The following TLE1 variants were observed in gnomAD, a reference collection of about 807,000 sequenced individuals.
TLE1 encodes the protein TLE family member 1, transcriptional corepressor.
Under a neutral mutation model 89.8 loss-of-function variants are expected in TLE1, and 21 were observed. That is an observed-to-expected ratio of 0.23 (90% CI 0.17 to 0.34). TLE1 has a LOEUF of 0.34. TLE1 is among the 10% of genes least tolerant of loss of function. TLE1 has a pLI of 1.00. For missense variants in TLE1, 795 were observed against 1,031.2 expected (o/e 0.77, Z 3.14); for synonymous variants, 447 against 407.6 (o/e 1.10, Z -1.16).
intron 16 of TLE1, 22 bp from the exon 17 acceptor site, chr9:81,587,850 A>G: frequency 6.3e-7 from 1 of 1,596,032 alleles, no homozygotes; most frequent in Non-Finnish European, 8.5e-7. Context: ...AACCAGATTG[A>G]ATAATGATTT....
intron 11 of TLE1, among the ~76,000 whole-genome samples, chr9:81,614,524 G>A (rs941056588): frequency 6.6e-5 from 10 of 152,108 alleles, no homozygotes; most frequent in Non-Finnish European, 1.3e-4. Context: ...CCACTACAGC[G>A]TGGCAAAGAG....
chr9:81,670,241 A>G (rs1270210504), intron 4 of TLE1, among the ~76,000 whole-genome samples: 1 of 152,218 alleles, frequency 6.6e-6, no homozygotes, highest in Non-Finnish European at 1.5e-5. Flanking sequence ...TGCGACAAAC[A>G]GTAGAATCTG....
intron 16 of TLE1, among the ~76,000 whole-genome samples, chr9:81,588,733 T>C (rs190866046): frequency 2.3e-3 from 352 of 152,012 alleles, no homozygotes; most frequent in African/African-American, 8.1e-3. Flanking sequence ...GAGAGGAAGG[T>C]GGTGGGGGAG....
chr9:81,647,114 G>A (rs1828950869), intron 6 of TLE1, among the ~76,000 whole-genome samples: 1 of 152,034 alleles, frequency 6.6e-6, no homozygotes, highest in South Asian at 2.1e-4. Flanking sequence ...GCATTACTAT[G>A]GGTAACTGCT....
chr9:81,616,696 T>C lies in TLE1; in HGVS notation c.715A>G (p.Ser239Gly). ...TTGTCATCGCTTTTGTCACCATCACTGTCCTGGAAAAAAGAAACATTAACG... is the reference window on the plus strand; with the variant it reads ...TTGTCATCGCTTTTGTCACCATCACCGTCCTGGAAAAAAGAAACATTAACG... ...VDDKDSSHYD[S>G]DGDKSDDNLV... Residue 239 changes from serine to glycine, a missense_variant, in exon 10 of 20, where the codon AGT becomes GGT. This residue lies in a region of TLE1 where 468 missense variants were observed against 509.1 expected (regional missense o/e 0.92). Coordinates refer to ENST00000376499, the MANE Select transcript of TLE1 (RefSeq NM_005077.5). The C allele has an allele frequency of 1.2e-6, 2 of 1,614,088 alleles. No individual in the cohort carries two copies. The highest frequency in any genetic ancestry group is 1.7e-6 in the Non-Finnish European group (2 of 1,179,976).
intron 12 of TLE1, chr9:81,612,447 T>A: frequency 2.4e-5 from 20 of 842,044 alleles, no homozygotes; most frequent in Non-Finnish European, 2.9e-5. Context: ...TGTTGCCTAT[T>A]TTCCTTTGGG....
chr9:81,660,413 TTTATTA>T (rs1257647708), intron 4 of TLE1, among the ~76,000 whole-genome samples: 4 of 152,048 alleles, frequency 2.6e-5, no homozygotes, highest in Non-Finnish European at 4.4e-5. Context: ...ATTTTTTTAT[TTTATTA>T]TTATTATTTT....
In TLE1 at chr9:81,686,337, T is replaced by G. The variant is rs146749992; in HGVS notation, c.126-441A>C. ...CTATCTGTTAAGTTACTCCTACAAT[T>G]GCTGGTCCCTTTCAAAACCTTTGGT... On this transcript the variant is annotated intron_variant, in intron 2 of 19. Transcript: ENST00000376499. Among the ~76,000 whole-genome samples, 233 of 152,338 alleles carry G rather than the reference T, an allele frequency of 1.5e-3. 1 individual carries two copies. The highest frequency in any genetic ancestry group is 5.4e-3 in the African/African-American group (225 of 41,570).
intron 14 of TLE1, among the ~76,000 whole-genome samples, chr9:81,594,985 A>C (rs950766051): frequency 6.6e-6 from 1 of 152,190 alleles, no homozygotes; most frequent in African/African-American, 2.4e-5. Flanking sequence ...ACATAATCTC[A>C]ATCTGTTATC....
At chr9:81,681,579 A>G (rs1833640068) in intron 4 of TLE1, among the ~76,000 whole-genome samples, 2 of 151,454 alleles carry the variant, frequency 1.3e-5, no homozygotes, top group Non-Finnish European at 1.5e-5. Flanking sequence ...AAAATTCTTC[A>G]CCATCCTGGA....
intron 4 of TLE1, among the ~76,000 whole-genome samples, chr9:81,666,776 A>AAATAAAT (rs1831514438): frequency 7.1e-6 from 1 of 141,802 alleles, no homozygotes; most frequent in Admixed American, 7.1e-5. Flanking sequence ...CTCGTCTCAC[A>AAATAAAT]AAATAAATAA....
At chr9:81,608,506 C>G (rs910664494) in intron 14 of TLE1, among the ~76,000 whole-genome samples, 1 of 152,070 alleles carries the variant, frequency 6.6e-6, no homozygotes, top group Non-Finnish European at 1.5e-5. Flanking sequence ...AGAGCAAGAC[C>G]CTGTTTCTAA....
At chr9:81,608,320 G>C (rs1389606752) in intron 14 of TLE1, among the ~76,000 whole-genome samples, 1 of 152,070 alleles carries the variant, frequency 6.6e-6, no homozygotes, top group African/African-American at 2.4e-5. Flanking sequence ...CGACCAGCCT[G>C]GGCAACATAG....
intron 4 of TLE1, among the ~76,000 whole-genome samples, chr9:81,669,995 G>C (rs1019798808): frequency 2.0e-5 from 3 of 152,064 alleles, no homozygotes; most frequent in African/African-American, 7.2e-5. Context: ...GTTCCCAGAC[G>C]GGCTTTAAGA....
chr9:81,642,617 C>A (rs7869589), intron 6 of TLE1, among the ~76,000 whole-genome samples: 61 of 151,934 alleles, frequency 4.0e-4, no homozygotes, highest in South Asian at 2.3e-3. Flanking sequence ...CTGCTTGAAC[C>A]CAAGAGATAG....
rs955117321 is a variant in TLE1, at chr9:81,615,986, C to T, written c.914G>A (p.Ser305Asn). The T allele has an allele frequency of 6.2e-7, 1 of 1,613,722 alleles. No homozygotes were observed. The highest frequency in any genetic ancestry group is 8.5e-7 in the Non-Finnish European group (1 of 1,180,036). ...SSTSLKSKEMSLHEKASTPVL... is the reference protein window; with the variant it reads ...SSTSLKSKEMNLHEKASTPVL... The stretch of plus-strand genomic sequence containing the variant: ...GTGTCAGTTTTCTTTACCTACCAAG[C>T]TCATTTCTTTGGATTTCAAAGAAGT... The change falls in exon 11 of 20, where the codon AGC becomes AAC. Residue 305 changes from serine to asparagine, a missense_variant. This residue lies in a region of TLE1 where 468 missense variants were observed against 509.1 expected (regional missense o/e 0.92). Coordinates refer to ENST00000376499, the MANE Select transcript of TLE1 (RefSeq NM_005077.5).
At chr9:81,673,272 T>TAAAAA (rs5898756) in intron 4 of TLE1, among the ~76,000 whole-genome samples, 12 of 98,000 alleles carry the variant, frequency 1.2e-4, no homozygotes, top group Admixed American at 2.7e-4. Flanking sequence ...AGACTTCATT[T>TAAAAA]AAAAAAAAAA....
In TLE1 at chr9:81,608,446, C is replaced by G. The variant is rs140076643; in HGVS notation, c.1331+1774G>C. 1.8e-3 allele frequency among the ~76,000 whole-genome samples: 275 copies of G among 152,132 alleles called. 1 individual carries two copies. The highest frequency in any genetic ancestry group is 0.014 in the South Asian group (68 of 4,818). On this transcript the variant is annotated intron_variant, in intron 14 of 19. Coordinates refer to ENST00000376499, the MANE Select transcript of TLE1 (RefSeq NM_005077.5). ...GGAGGATGGCTGGAGCCTAGGAGGTCGAGGCTGCAGTGAGCTGTGATTGTG... is the reference window on the plus strand; with the variant it reads ...GGAGGATGGCTGGAGCCTAGGAGGTGGAGGCTGCAGTGAGCTGTGATTGTG...
At chr9:81,643,056 C>T (rs942993031) in intron 6 of TLE1, among the ~76,000 whole-genome samples, 29 of 152,088 alleles carry the variant, frequency 1.9e-4, no homozygotes, top group Non-Finnish European at 3.8e-4. Flanking sequence ...AGTAGAATGG[C>T]GGCTGCCTTG....
Sources: gnomAD v4.1 joint callset for allele counts (sites outside exome capture counted in the v4.1 genomes callset) on GRCh38, gnomAD v4.1.1 for gene constraint, gnomAD v4.1.1 regional missense constraint, MANE v1.5 for transcripts, NCBI Gene and HGNC (gene_info 2026-07-23, HGNC 2026-07-21) for gene names.